Variants in CALN1 observed in about 807,000 individuals in gnomAD.
CALN1 encodes calcium-binding protein 8.
In CALN1, 17 loss-of-function variants were observed where a neutral mutation model predicts 30.6. The ratio of observed to expected loss-of-function variants is 0.56; its 90% confidence interval spans 0.38 to 0.83. CALN1 has a LOEUF of 0.83. Ranked by LOEUF, CALN1 falls within the 40% of genes least tolerant of loss-of-function variation. CALN1 has a pLI of 0.00. For synonymous variants in CALN1, 156 were observed against 131.4 expected, an observed-to-expected ratio of 1.19 and a Z score of -1.28; for missense variants, 291 against 354.9, an observed-to-expected ratio of 0.82 and a Z score of 1.45.
intron 3 of CALN1, among the ~76,000 whole-genome samples, chr7:72,114,162 C>T (rs1472744911): frequency 6.7e-6 from 1 of 150,078 alleles, no homozygotes; most frequent in Non-Finnish European, 1.5e-5. Context: ...GGGTGGAACA[C>T]TTGAGGTCAG....
chr7:72,346,793 G>A (rs926796047), intron 2 of CALN1, among the ~76,000 whole-genome samples: 2 of 152,150 alleles, frequency 1.3e-5, no homozygotes, highest in Non-Finnish European at 2.9e-5. Context: ...GGGATTACAG[G>A]TGTGAGCTGC....
intron 4 of CALN1, among the ~76,000 whole-genome samples, chr7:72,095,014 T>C (rs1194805010): frequency 1.3e-5 from 2 of 152,124 alleles, no homozygotes; most frequent in Non-Finnish European, 2.9e-5. Context: ...TGTGTGTGTT[T>C]TTCAGAGTTT....
At chr7:72,007,045 G>A (rs1237199907) in intron 5 of CALN1, among the ~76,000 whole-genome samples, 1 of 152,188 alleles carries the variant, frequency 6.6e-6, no homozygotes, top group African/African-American at 2.4e-5. Context: ...TGAGATGAGA[G>A]ACAGTTCTTC....
intron 5 of CALN1, among the ~76,000 whole-genome samples, chr7:71,902,136 A>C (rs1793884056): frequency 6.6e-6 from 1 of 152,172 alleles, no homozygotes; most frequent in Non-Finnish European, 1.5e-5. Context: ...AGGCTGGAGA[A>C]TGGTGTGAAC....
intron 3 of CALN1, among the ~76,000 whole-genome samples, chr7:72,125,756 C>G (rs1808706748): frequency 2.6e-5 from 4 of 151,562 alleles, no homozygotes; most frequent in Admixed American, 2.6e-4. Flanking sequence ...CCTGCCGCCC[C>G]CACCTTCCTG....
At chr7:71,889,376 A>C (rs1205888064) in intron 5 of CALN1, among the ~76,000 whole-genome samples, 1 of 152,168 alleles carries the variant, frequency 6.6e-6, no homozygotes, top group East Asian at 1.9e-4. Context: ...AGTACATGCA[A>C]GGTAAAAACT....
intron 3 of CALN1, among the ~76,000 whole-genome samples, chr7:72,121,194 A>G (rs1463469611): frequency 6.9e-6 from 1 of 144,438 alleles, no homozygotes; most frequent in Admixed American, 7.1e-5. Context: ...TATGTATTAT[A>G]TTATATATAA....
intron 3 of CALN1, among the ~76,000 whole-genome samples, chr7:72,114,262 GGGAAGGGAAGGGAAGGGA>G (rs1563070697): frequency 3.3e-4 from 22 of 66,258 alleles, no homozygotes; most frequent in South Asian, 9.6e-4. Flanking sequence ...GGGAAGGGAA[GGGAAGGGAAGGGAAGGGA>G]AGGGAAGGGA....
At chr7:72,485,808 T>G in the CALN1 span, among the ~76,000 whole-genome samples, 6 of 152,086 alleles carry the variant, frequency 3.9e-5, no homozygotes, top group African/African-American at 1.2e-4. Context: ...GAGGTGGAGG[T>G]TGCAGTGAGG....
intron 2 of CALN1, among the ~76,000 whole-genome samples, chr7:72,389,414 A>G (rs906926737): frequency 6.6e-6 from 1 of 152,210 alleles, no homozygotes; most frequent in Non-Finnish European, 1.5e-5. Flanking sequence ...CATTAGGAAA[A>G]TAATTTTTAA....
chr7:71,868,717 C>G (rs1226623842), intron 5 of CALN1, among the ~76,000 whole-genome samples: 1 of 151,972 alleles, frequency 6.6e-6, no homozygotes, highest in Non-Finnish European at 1.5e-5. Context: ...AAGGGCCACC[C>G]CCATGATCCA....
intron 5 of CALN1, among the ~76,000 whole-genome samples, chr7:71,991,752 T>C (rs758389618): frequency 6.6e-6 from 1 of 152,244 alleles, no homozygotes; most frequent in Non-Finnish European, 1.5e-5. Context: ...CAATTTTACT[T>C]AGAGGAAGGT....
At chr7:71,808,134 T>C (rs1199436487) in intron 6 of CALN1, among the ~76,000 whole-genome samples, 1 of 152,018 alleles carries the variant, frequency 6.6e-6, no homozygotes, top group Non-Finnish European at 1.5e-5. Context: ...AGGTAATGGT[T>C]AGGTACCTAA....
rs1462325988 is a variant in CALN1, at chr7:72,287,154, ATT to A, written c.120-8346_120-8345del. Among the ~76,000 whole-genome samples the A allele has an allele frequency of 2.6e-5, 4 of 152,084 alleles. No homozygotes were observed. In the South Asian group the frequency reaches 8.3e-4, roughly 32 times the overall value. On this transcript the variant is annotated intron_variant, in intron 2 of 6. Coordinates refer to ENST00000395275, the MANE Select transcript of CALN1 (RefSeq NM_031468.4). ...TAATGATATTTTGCCTTCTTTGCTT[ATT>A]TTTTAAAGAAATAACATATTACACT...
rs190423066 is a variant in CALN1, at chr7:72,257,503, C to T, written c.244+21183G>A. On this transcript the variant is annotated intron_variant, in intron 3 of 6. Coordinates refer to ENST00000395275, the MANE Select transcript of CALN1 (RefSeq NM_031468.4). ...TGTGGTGAAAAGGGAACACTTCCAA[C>T]GCTGCTGGTGAGAATGTAAACTAGT... 3.3e-5 allele frequency among the ~76,000 whole-genome samples: 5 copies of T among 152,224 alleles called. No homozygotes were observed. The East Asian group carries it at 5.8e-4, about 18-fold the overall frequency.
intron 3 of CALN1, among the ~76,000 whole-genome samples, chr7:72,240,864 T>C (rs760978654): frequency 6.6e-6 from 1 of 152,218 alleles, no homozygotes; most frequent in Non-Finnish European, 1.5e-5. Context: ...TTTTCTGCTG[T>C]TCTCTCTACC....
rs536210975 is a variant in CALN1, at chr7:72,285,371, G to C, written c.120-6561C>G. ...CCATTCTCCTGCCTCAGCCTCCCAA[G>C]TAGCTGGGATTACAGGCGCCTGCCA... is the stretch of plus-strand genomic sequence containing the variant. On this transcript the variant is annotated intron_variant, in intron 2 of 6. Coordinates refer to ENST00000395275, the MANE Select transcript of CALN1 (RefSeq NM_031468.4). Among the ~76,000 whole-genome samples, 264 of 152,176 alleles carry C rather than the reference G, an allele frequency of 1.7e-3. 1 individual carries two copies. Among genetic ancestry groups the C allele is most frequent in the African/African-American group, 6.1e-3 (253 of 41,524 alleles).
intron 3 of CALN1, among the ~76,000 whole-genome samples, chr7:72,145,141 C>CA (rs1786602787): frequency 6.6e-6 from 1 of 151,930 alleles, no homozygotes; most frequent in Non-Finnish European, 1.5e-5. Context: ...CTGAAGGAGA[C>CA]AGAGACAAGA....
intron 3 of CALN1, among the ~76,000 whole-genome samples, chr7:72,215,076 A>C (rs1027469275): frequency 2.0e-5 from 3 of 152,140 alleles, no homozygotes; most frequent in African/African-American, 2.4e-5. Flanking sequence ...GAATCATCCC[A>C]AAACCATCCG....
Sources: allele counts gnomAD v4.1 joint callset (sites outside exome capture counted in the v4.1 genomes callset), GRCh38; gene constraint gnomAD v4.1.1; transcripts MANE v1.5; gene names NCBI Gene and HGNC (gene_info 2026-07-23, HGNC 2026-07-21).